The following GRM8 variants were observed in gnomAD, a reference collection of about 807,000 sequenced individuals.
GRM8 encodes the protein metabotropic glutamate receptor 8.
Under a neutral mutation model 87.2 loss-of-function variants are expected in GRM8, and 47 were observed. The ratio of observed to expected loss-of-function variants is 0.54; its 90% CI spans 0.43 to 0.69. GRM8 has a LOEUF of 0.69. GRM8 is among the 30% of genes least tolerant of loss of function. The probability of loss-of-function intolerance (pLI) is 0.00; values close to 1 mark genes in which losing one functional copy is unlikely to be tolerated. For missense variants in GRM8, 1,019 were observed against 1,139.2 expected (o/e 0.89, Z 1.52); for synonymous variants, 396 against 404.5 (o/e 0.98, Z 0.25).
chr7:126,617,026 T>G (rs1320959376), intron 7 of GRM8, among the ~76,000 whole-genome samples: 2 of 152,226 alleles, frequency 1.3e-5, no homozygotes, highest in African/African-American at 4.8e-5. Context: ...ACTCATTTTA[T>G]GAGGCCAGCA....
At chr7:127,120,968 G>C (rs1587075474) in intron 2 of GRM8, among the ~76,000 whole-genome samples, 1 of 152,110 alleles carries the variant, frequency 6.6e-6, no homozygotes, top group South Asian at 2.1e-4. Flanking sequence ...GTCAGTAAAA[G>C]CTTTTTAAAT....
intron 6 of GRM8, among the ~76,000 whole-genome samples, chr7:126,835,748 G>T (rs898931270): frequency 6.6e-6 from 1 of 152,144 alleles, no homozygotes; most frequent in Non-Finnish European, 1.5e-5. Flanking sequence ...AAATTATGTG[G>T]ATAATCCCAT....
chr7:126,608,984 C>A (rs1798642520), intron 8 of GRM8, among the ~76,000 whole-genome samples: 1 of 151,984 alleles, frequency 6.6e-6, no homozygotes, highest in Non-Finnish European at 1.5e-5. Flanking sequence ...CCAGATGTGA[C>A]CTTTTTTTAA....
At chr7:126,462,453 TTAGA>T (rs1403040249) in intron 9 of GRM8, among the ~76,000 whole-genome samples, 43 of 151,734 alleles carry the variant, frequency 2.8e-4, no homozygotes, top group Non-Finnish European at 5.2e-4. Context: ...AGACAATTAG[TTAGA>T]TAGACGTTTG....
At chr7:126,721,941 C>T (rs1812433771) in intron 7 of GRM8, among the ~76,000 whole-genome samples, 1 of 152,052 alleles carries the variant, frequency 6.6e-6, no homozygotes, top group Non-Finnish European at 1.5e-5. Context: ...ACAAGACCTC[C>T]TAATCCCAGG....
chr7:126,924,350 G>C (rs1489450178), intron 3 of GRM8, among the ~76,000 whole-genome samples: 1 of 152,148 alleles, frequency 6.6e-6, no homozygotes, highest in African/African-American at 2.4e-5. Context: ...GCATAAACTT[G>C]GGAACAATCA....
intron 8 of GRM8, among the ~76,000 whole-genome samples, chr7:126,577,072 G>C (rs1488626334): frequency 6.6e-6 from 1 of 152,148 alleles, no homozygotes; most frequent in Non-Finnish European, 1.5e-5. Context: ...ATAACTCACA[G>C]TCCTATTTTT....
At chr7:127,075,341 C>T (rs1198288998) in intron 3 of GRM8, among the ~76,000 whole-genome samples, 4 of 152,126 alleles carry the variant, frequency 2.6e-5, no homozygotes, top group Non-Finnish European at 5.9e-5. Context: ...AATTACTTAG[C>T]TAATGGACCA....
intron 9 of GRM8, among the ~76,000 whole-genome samples, chr7:126,476,829 T>G (rs746846445): frequency 5.3e-5 from 8 of 150,888 alleles, no homozygotes; most frequent in Non-Finnish European, 8.9e-5. Flanking sequence ...ATGAAAAACA[T>G]TATGAAGATT....
intron 2 of GRM8, among the ~76,000 whole-genome samples, chr7:127,128,764 A>C (rs1563531535): frequency 6.6e-6 from 1 of 152,108 alleles, no homozygotes; most frequent in Non-Finnish European, 1.5e-5. Context: ...TCTTTCTGTG[A>C]TACTATATAG....
intron 9 of GRM8, among the ~76,000 whole-genome samples, chr7:126,471,195 T>A (rs1805173291): frequency 6.6e-6 from 1 of 152,160 alleles, no homozygotes; most frequent in South Asian, 2.1e-4. Context: ...TTTAGTTTAA[T>A]TAGATCCCAT....
chr7:127,042,421 C>T (rs1410009367), intron 3 of GRM8, among the ~76,000 whole-genome samples: 3 of 152,126 alleles, frequency 2.0e-5, no homozygotes, highest in Non-Finnish European at 4.4e-5. Context: ...GAGGTGCAAT[C>T]GGTGATAAGG....
intron 2 of GRM8, among the ~76,000 whole-genome samples, chr7:127,138,686 C>T (rs1173228345): frequency 6.6e-6 from 1 of 152,092 alleles, no homozygotes; most frequent in Non-Finnish European, 1.5e-5. Flanking sequence ...TTGTAACACA[C>T]ACATACACAC....
At chr7:127,093,103 T>C (rs2132930537) in intron 3 of GRM8, among the ~76,000 whole-genome samples, 1 of 152,354 alleles carries the variant, frequency 6.6e-6, no homozygotes, top group Non-Finnish European at 1.5e-5. Flanking sequence ...GTAGTTATTA[T>C]GATAGATGTA....
At chr7:126,677,053 C>T (rs1246617492) in intron 7 of GRM8, among the ~76,000 whole-genome samples, 5 of 152,022 alleles carry the variant, frequency 3.3e-5, no homozygotes, top group Admixed American at 2.0e-4. Flanking sequence ...CATGAAGAGA[C>T]GTTTCTGAAA....
intron 9 of GRM8, among the ~76,000 whole-genome samples, chr7:126,499,424 A>AT (rs1348379459): frequency 6.6e-6 from 1 of 151,804 alleles, no homozygotes; most frequent in Non-Finnish European, 1.5e-5. Context: ...AAAAAAAAAA[A>AT]AACTAGAATT....
intron 3 of GRM8, among the ~76,000 whole-genome samples, chr7:126,906,950 C>T (rs1047563848): frequency 2.0e-5 from 3 of 152,166 alleles, no homozygotes; most frequent in Non-Finnish European, 2.9e-5. Context: ...CTGCTAGATA[C>T]TGTGTGGGTG....
chr7:127,062,220 T>C (rs144105650), intron 3 of GRM8, among the ~76,000 whole-genome samples: 2 of 150,290 alleles, frequency 1.3e-5, no homozygotes, highest in Non-Finnish European at 3.0e-5. Flanking sequence ...AAAGAGATCA[T>C]GTGGGGAAAA....
intron 8 of GRM8, among the ~76,000 whole-genome samples, chr7:126,534,448 G>A (rs898283739): frequency 6.6e-6 from 1 of 152,114 alleles, no homozygotes; most frequent in Non-Finnish European, 1.5e-5. Context: ...CCCTGTTTAG[G>A]CTTGAAATAT....
Sources: allele counts gnomAD v4.1 joint callset (sites outside exome capture counted in the v4.1 genomes callset), GRCh38; gene constraint gnomAD v4.1.1; transcripts MANE v1.5; gene names NCBI Gene and HGNC (gene_info 2026-07-23, HGNC 2026-07-21).